The following MGRN1 variants were observed in gnomAD, a reference collection of about 807,000 sequenced individuals.
MGRN1 encodes the protein E3 ubiquitin-protein ligase MGRN1.
In MGRN1, 29 loss-of-function variants were observed where a neutral mutation model predicts 69.2. That is an observed-to-expected ratio of 0.42 (90% CI 0.31 to 0.57). The LOEUF is 0.57. Ranked by LOEUF, MGRN1 falls within the 20% of genes least tolerant of loss-of-function variation. The pLI is 0.15. For synonymous variants in MGRN1, 470 were observed against 344.2 expected, an observed-to-expected ratio of 1.37 and a Z score of -4.04; for missense variants, 998 against 796.2, an observed-to-expected ratio of 1.25 and a Z score of -3.05.
intron 4 of MGRN1, among the ~76,000 whole-genome samples, chr16:4,655,238 C>T (rs996743510): frequency 6.6e-6 from 1 of 152,142 alleles, no homozygotes; most frequent in Non-Finnish European, 1.5e-5. Flanking sequence ...TATCCGCTGC[C>T]CCCCAGTGCT....
chr16:4,625,241 G>A (rs544306054), intron 1 of MGRN1, among the ~76,000 whole-genome samples, 193 bp downstream of exon 1: 1 of 152,284 alleles, frequency 6.6e-6, no homozygotes, highest in Non-Finnish European at 1.5e-5. Context: ...ACCTGCCCGA[G>A]CCGTACCTGG....
At chr16:4,668,506 CATAT>C (rs879694036) in intron 8 of MGRN1, among the ~76,000 whole-genome samples, 194 bp downstream of exon 8, 2 of 151,908 alleles carry the variant, frequency 1.3e-5, no homozygotes, top group Non-Finnish European at 2.9e-5. Context: ...CACATTCACA[CATAT>C]ATAGACACAT....
chr16:4,686,259 C>T, intron 16 of MGRN1: 1 of 1,543,946 alleles, frequency 6.5e-7, no homozygotes, highest in Non-Finnish European at 8.7e-7. Flanking sequence ...CTCCGCGCAG[C>T]CCTGGGGCCC....
intron 1 of MGRN1, among the ~76,000 whole-genome samples, chr16:4,628,865 C>T (rs756495788): frequency 7.3e-5 from 11 of 151,052 alleles, no homozygotes; most frequent in Non-Finnish European, 1.5e-4. Flanking sequence ...TTTTTTGAGA[C>T]AGTCTCGCTC....
chr16:4,654,493 C>T (rs574387074), intron 4 of MGRN1, among the ~76,000 whole-genome samples: 19 of 152,368 alleles, frequency 1.2e-4, no homozygotes, highest in African/African-American at 4.6e-4. Flanking sequence ...GGCACATGTG[C>T]CCCAAGTGGC....
intron 1 of MGRN1, among the ~76,000 whole-genome samples, chr16:4,627,900 G>A (rs1897767925): frequency 6.6e-6 from 1 of 151,090 alleles, no homozygotes; most frequent in African/African-American, 2.5e-5. Context: ...CTAACACCGT[G>A]AAACCCCATC....
chr16:4,681,829 G>A (rs916410702), intron 13 of MGRN1, 53 bp downstream of exon 13: 51 of 1,526,462 alleles, frequency 3.3e-5, no homozygotes, highest in East Asian at 2.4e-5. Flanking sequence ...GCGCGCGTGC[G>A]GAGCGGGTGT....
In MGRN1 at chr16:4,682,781, C is replaced by T. The variant is rs747262214; in HGVS notation, c.1359-42C>T. ...CTTTGGCAGGGTTAGCCTTCCTTGT[C>T]GTTATCCTCTCACCCCTGCCCACCC... On this transcript the variant is annotated intron_variant, in intron 13 of 16. Transcript: ENST00000262370. 6.7e-6 allele frequency: 10 copies of T among 1,484,492 alleles called. No homozygotes were observed. In the East Asian group the frequency reaches 7.3e-5, roughly 11 times the overall value. 92.0% of individuals were successfully genotyped at this position (1,484,492 alleles called of 1,614,324 possible). A position where few individuals can be genotyped will look rare whatever the true frequency, so the allele number is the denominator to read the frequency against.
chr16:4,650,180 G>A (rs113932773), intron 1 of MGRN1, 185 bp from the exon 2 acceptor site: 148 of 509,946 alleles, frequency 2.9e-4, no homozygotes, highest in African/African-American at 2.6e-3. Context: ...GTGGGTGCCG[G>A]TAATCCCAGC....
chr16:4,650,670 G>GC lies in MGRN1; in HGVS notation c.207+192dup, dbSNP rs2078385658. The GC allele has an allele frequency of 8.5e-6, 4 of 469,194 alleles. No homozygotes were observed. In the East Asian group the frequency reaches 1.0e-4, roughly 12 times the overall value. 29.1% of individuals were successfully genotyped at this position (469,194 alleles called of 1,614,324 possible). ...CTGGAATGGGTTGTGTCCTGGTGCT[G>GC]CCCCCTAGAGGCCAGATGGCCAGGG... On this transcript the variant is annotated intron_variant, in intron 2 of 16. Coordinates refer to ENST00000262370, the MANE Select transcript of MGRN1 (RefSeq NM_015246.4).
rs927375976 is a variant in MGRN1 at position 4,689,548 on chromosome 16, G to C, written c.*640G>C. 6.6e-6 allele frequency: 1 copy of C among 152,492 alleles called. No individual in the cohort carries two copies. Among genetic ancestry groups the C allele is most frequent in the South Asian group, 2.1e-4 (1 of 4,838 alleles). The allele number at this position is 152,492 out of a possible 1,614,324, so 9.4% of individuals were successfully genotyped here. On this transcript the variant is annotated 3_prime_UTR_variant, in exon 17 of 17. Coordinates refer to ENST00000262370, the MANE Select transcript of MGRN1 (RefSeq NM_015246.4). ...GGCAGCTAGAGTGTCTCAGCCCGGTGCTGGGCCTGGCCGAGGGGCGGAGGC... is the reference window on the plus strand; with the variant it reads ...GGCAGCTAGAGTGTCTCAGCCCGGTCCTGGGCCTGGCCGAGGGGCGGAGGC...
At chr16:4,673,701 AG>A (rs1235008398) in intron 10 of MGRN1, 44 bp downstream of exon 10, 8 of 1,603,972 alleles carry the variant, frequency 5.0e-6, no homozygotes, top group Non-Finnish European at 6.8e-6. Flanking sequence ...TCTGGAAATT[AG>A]GGACTGGCCA....
In MGRN1 at chr16:4,638,016, C is replaced by T. The variant is rs138227074; in HGVS notation, c.89-12349C>T. 3.0e-3 allele frequency among the ~76,000 whole-genome samples: 452 copies of T among 152,348 alleles called. 1 individual carries two copies. Among genetic ancestry groups the T allele is most frequent in the African/African-American group, 0.011 (437 of 41,566 alleles). ...TTGTGTTCCGCACTGGAAGCCAGAGCCCTGTATTTAATATGGTATCACGTT... is the reference window on the plus strand; with the variant it reads ...TTGTGTTCCGCACTGGAAGCCAGAGTCCTGTATTTAATATGGTATCACGTT... On this transcript the variant is annotated intron_variant, in intron 1 of 16. Transcript: ENST00000262370.
intron 1 of MGRN1, among the ~76,000 whole-genome samples, chr16:4,648,058 G>A (rs147812904): frequency 2.2e-4 from 33 of 152,274 alleles, no homozygotes; most frequent in African/African-American, 7.0e-4. Flanking sequence ...TGAAGGCCCC[G>A]GGAAGGGCCC....
intron 1 of MGRN1, among the ~76,000 whole-genome samples, chr16:4,640,985 T>C (rs1487175382): frequency 6.6e-6 from 1 of 152,012 alleles, no homozygotes; most frequent in Admixed American, 6.6e-5. Context: ...GGAAAGGGGG[T>C]GAAGGCGCTG....
intron 9 of MGRN1, 77 bp from the exon 10 acceptor site, chr16:4,673,421 G>T (rs377437531): frequency 6.5e-7 from 1 of 1,549,664 alleles, no homozygotes; most frequent in African/African-American, 1.3e-5. Context: ...AGTGGGGTGG[G>T]ACAGCTGGGG....
chr16:4,636,349 G>T lies in MGRN1; in HGVS notation c.88+11301G>T, dbSNP rs528175030. 4.3e-4 allele frequency among the ~76,000 whole-genome samples: 66 copies of T among 152,102 alleles called. 1 individual carries two copies. Among genetic ancestry groups the T allele is most frequent in the Admixed American group, 7.2e-4 (11 of 15,262 alleles). ...AGGCGCTCTTCTTGCTCCACCTCAG[G>T]ATGAGATGGGATGCAATGGCCGGGC... On this transcript the variant is annotated intron_variant, in intron 1 of 16. Coordinates refer to ENST00000262370, the MANE Select transcript of MGRN1 (RefSeq NM_015246.4).
chr16:4,627,387 A>C (rs931068703), intron 1 of MGRN1, among the ~76,000 whole-genome samples: 13 of 152,360 alleles, frequency 8.5e-5, no homozygotes, highest in African/African-American at 2.9e-4. Context: ...CTTTGTTTTC[A>C]CTATATCTGT....
At position 4,675,522 on chromosome 16, in the gene MGRN1, T is replaced by G. The variant is rs1037359697; in HGVS notation, c.955+1865T>G. The stretch of plus-strand genomic sequence containing the variant: ...GGGAGGTCAAGGCAGGAGGATCGCT[T>G]GAGCCCAAGAGTTCGAGACTAGCCT... On this transcript the variant is annotated intron_variant, in intron 10 of 16. Coordinates refer to ENST00000262370, the MANE Select transcript of MGRN1 (RefSeq NM_015246.4). Among the ~76,000 whole-genome samples the G allele has an allele frequency of 3.3e-5, 5 of 152,216 alleles. No homozygotes were observed. In the South Asian group the frequency reaches 1.0e-3, roughly 32 times the overall value.
Sources: gnomAD v4.1 joint callset for allele counts (sites outside exome capture counted in the v4.1 genomes callset) on GRCh38, gnomAD v4.1.1 for gene constraint, MANE v1.5 for transcripts, NCBI Gene and HGNC (gene_info 2026-07-23, HGNC 2026-07-21) for gene names.